Variants in MGAT4C observed in about 807,000 individuals in gnomAD.
MGAT4C encodes MGAT4 family member C.
Under a neutral mutation model 40.1 loss-of-function variants are expected in MGAT4C, and 19 were observed. That is an observed-to-expected ratio of 0.47 (90% CI 0.33 to 0.70). The LOEUF is 0.70. Among genes scored for constraint, MGAT4C ranks in the 30% least tolerant of loss-of-function variants. The pLI is 0.02. For missense variants in MGAT4C, 491 were observed against 563.2 expected (o/e 0.87, Z 1.30); for synonymous variants, 181 against 187.1 (o/e 0.97, Z 0.27).
chr12:86,775,585 T>C (rs1178931929), intron 1 of MGAT4C, among the ~76,000 whole-genome samples: 5 of 151,386 alleles, frequency 3.3e-5, no homozygotes, highest in African/African-American at 1.2e-4. Context: ...TTTTTATAAA[T>C]GCTATCAAAA....
chr12:86,000,912 G>A lies in MGAT4C; in HGVS notation c.-6-11360C>T, dbSNP rs567869455. 2.0e-3 allele frequency among the ~76,000 whole-genome samples: 305 copies of A among 152,194 alleles called. 1 individual carries two copies. The highest frequency in any genetic ancestry group is 6.8e-3 in the African/African-American group (281 of 41,530). On this transcript the variant is annotated intron_variant, in intron 2 of 4. Transcript: ENST00000611864. ...AACCTGCAACATATCCTTCTTGTAA[G>A]CTGTGGTTTCATATTTCTAGTATAT...
chr12:86,797,753 C>T (rs576917922), intron 1 of MGAT4C, among the ~76,000 whole-genome samples: 1 of 151,928 alleles, frequency 6.6e-6, no homozygotes, highest in Non-Finnish European at 1.5e-5. Flanking sequence ...TAGCATAAGG[C>T]ACTTTATTGA....
chr12:86,556,796 AC>A (rs1959633008), intron 2 of MGAT4C, among the ~76,000 whole-genome samples: 2 of 152,304 alleles, frequency 1.3e-5, no homozygotes, highest in African/African-American at 4.8e-5. Flanking sequence ...TTTCTGAACT[AC>A]CTGGCCATTT....
chr12:86,690,063 C>T (rs4842819), intron 2 of MGAT4C, among the ~76,000 whole-genome samples: 116,955 of 152,052 alleles, frequency 0.77, 46,590 homozygotes, highest in Middle Eastern at 0.88. Flanking sequence ...CTTTGCCTCA[C>T]TGTGGTAGGT....
intron 4 of MGAT4C, among the ~76,000 whole-genome samples, chr12:85,980,741 A>G (rs1884491353): frequency 6.6e-6 from 1 of 152,136 alleles, no homozygotes; most frequent in South Asian, 2.1e-4. Context: ...CTGCAGCTTA[A>G]TATTCTCATA....
At chr12:85,994,142 T>C (rs951352330) in intron 2 of MGAT4C, among the ~76,000 whole-genome samples, 1 of 152,206 alleles carries the variant, frequency 6.6e-6, no homozygotes. Context: ...ATTAGTTCTG[T>C]CTACAATAAT....
chr12:86,804,778 T>C (rs762496936), intron 1 of MGAT4C, among the ~76,000 whole-genome samples: 8 of 152,012 alleles, frequency 5.3e-5, no homozygotes, highest in Non-Finnish European at 7.4e-5. Flanking sequence ...TTTACCTATA[T>C]AGAAAGGCAA....
chr12:86,821,395 T>A (rs1445922114), intron 1 of MGAT4C, among the ~76,000 whole-genome samples: 2 of 150,892 alleles, frequency 1.3e-5, no homozygotes, highest in Admixed American at 6.6e-5. Flanking sequence ...TGCATACTTA[T>A]GGAGTATGTG....
intron 3 of MGAT4C, among the ~76,000 whole-genome samples, chr12:86,384,402 T>C (rs771142490): frequency 1.1e-4 from 17 of 152,280 alleles, no homozygotes; most frequent in South Asian, 2.1e-4. Context: ...ATTTTCATCT[T>C]TAGGGACACT....
intron 1 of MGAT4C, among the ~76,000 whole-genome samples, chr12:86,787,261 G>C (rs946994579): frequency 1.3e-5 from 2 of 151,974 alleles, no homozygotes; most frequent in African/African-American, 4.8e-5. Flanking sequence ...TTCTGTTTCT[G>C]ACTTATCTCA....
chr12:86,370,919 G>C (rs1218685472), intron 3 of MGAT4C, among the ~76,000 whole-genome samples: 1 of 151,948 alleles, frequency 6.6e-6, no homozygotes, highest in Non-Finnish European at 1.5e-5. Context: ...AGAGGGGTGA[G>C]GGGTGGCCCT....
intron 4 of MGAT4C, among the ~76,000 whole-genome samples, chr12:86,291,312 A>G (rs925975754): frequency 2.3e-4 from 35 of 152,238 alleles, no homozygotes; most frequent in African/African-American, 7.2e-4. Context: ...ACTCTTGGAC[A>G]TGAGCATGAA....
At chr12:86,136,760 C>T (rs1194732400) in intron 1 of MGAT4C, among the ~76,000 whole-genome samples, 4 of 152,076 alleles carry the variant, frequency 2.6e-5, no homozygotes, top group Admixed American at 2.6e-4. Context: ...GTGATCTCAG[C>T]TCACTGCAAC....
intron 4 of MGAT4C, among the ~76,000 whole-genome samples, chr12:86,278,676 T>C (rs1953136876): frequency 6.6e-6 from 1 of 152,108 alleles, no homozygotes. Flanking sequence ...CCTTTCCAAT[T>C]TGATGCAATT....
intron 2 of MGAT4C, among the ~76,000 whole-genome samples, chr12:86,698,739 A>G (rs965036173): frequency 1.3e-5 from 2 of 152,000 alleles, no homozygotes; most frequent in African/African-American, 4.8e-5. Flanking sequence ...TTTCAATCAC[A>G]TTCAGTTTAT....
intron 1 of MGAT4C, among the ~76,000 whole-genome samples, chr12:86,815,585 C>T (rs1952585756): frequency 2.7e-5 from 4 of 150,890 alleles, no homozygotes; most frequent in African/African-American, 9.7e-5. Context: ...ATAGCAAAAT[C>T]GTGGAACCAA....
intron 3 of MGAT4C, among the ~76,000 whole-genome samples, chr12:86,414,963 A>C (rs1048241736): frequency 6.6e-6 from 1 of 152,126 alleles, no homozygotes; most frequent in South Asian, 2.1e-4. Context: ...TACTACAGCA[A>C]TAAGCATCTA....
intron 2 of MGAT4C, among the ~76,000 whole-genome samples, chr12:86,698,885 C>T (rs569088316): frequency 3.3e-5 from 5 of 152,142 alleles, no homozygotes; most frequent in East Asian, 3.9e-4. Context: ...TAAACTCCCA[C>T]GTGCCTCAGG....
intron 2 of MGAT4C, among the ~76,000 whole-genome samples, chr12:86,538,086 C>CAATA (rs1357500465): frequency 6.6e-6 from 1 of 151,752 alleles, no homozygotes; most frequent in African/African-American, 2.4e-5. Context: ...GACTCCATCT[C>CAATA]AATAAATAAA....
Sources: allele counts gnomAD v4.1 joint callset (sites outside exome capture counted in the v4.1 genomes callset), GRCh38; gene constraint gnomAD v4.1.1; transcripts MANE v1.5; gene names NCBI Gene and HGNC (gene_info 2026-07-23, HGNC 2026-07-21).